ZNF385D: variants seen among roughly 807,000 people sequenced by gnomAD.
ZNF385D encodes the protein zinc finger protein 385D.
ZNF385D carries 15 observed loss-of-function variants against 35.8 expected under a neutral mutation model. The observed-to-expected ratio is 0.42, with a 90% confidence interval of 0.28 to 0.64. The LOEUF (loss-of-function observed/expected upper bound fraction) is 0.64, where lower values mean the gene tolerates loss of function less well. Ranked by LOEUF, ZNF385D falls within the 30% of genes least tolerant of loss-of-function variation. ZNF385D has a pLI of 0.23. For missense variants in ZNF385D, 474 were observed against 494.6 expected (o/e 0.96, Z 0.39); for synonymous variants, 212 against 186.8 (o/e 1.13, Z -1.10).
At chr3:21,901,303 C>T (rs259485) in intron 3 of ZNF385D, among the ~76,000 whole-genome samples, 46,172 of 152,042 alleles carry the variant, frequency 0.3, 7,573 homozygotes, top group South Asian at 0.43. Flanking sequence ...CCTCCCAAGC[C>T]TAAACTTTGG....
At chr3:22,271,731 G>T (rs11926939) in intron 2 of ZNF385D, among the ~76,000 whole-genome samples, 243 of 151,780 alleles carry the variant, frequency 1.6e-3, no homozygotes, top group African/African-American at 5.6e-3. Flanking sequence ...TTTTTCAGAT[G>T]TCCGATCCTC....
chr3:21,821,993 A>T (rs1162362685), intron 3 of ZNF385D, among the ~76,000 whole-genome samples: 1 of 150,506 alleles, frequency 6.6e-6, no homozygotes, highest in African/African-American at 2.4e-5. Flanking sequence ...AAATTTAAAA[A>T]GCTGGTTTAG....
chr3:22,368,705 A>G (rs1415530504), intron 2 of ZNF385D, among the ~76,000 whole-genome samples: 1 of 152,124 alleles, frequency 6.6e-6, no homozygotes, highest in Non-Finnish European at 1.5e-5. Flanking sequence ...CACTAATCCC[A>G]TTACAGGGGC....
At chr3:21,770,062 C>T (rs959793774) in intron 3 of ZNF385D, among the ~76,000 whole-genome samples, 3 of 152,148 alleles carry the variant, frequency 2.0e-5, no homozygotes, top group East Asian at 1.9e-4. Flanking sequence ...GGATCCCTTC[C>T]TTATACCTTA....
intron 3 of ZNF385D, among the ~76,000 whole-genome samples, chr3:22,112,599 A>G (rs1702592167): frequency 6.6e-6 from 1 of 152,120 alleles, no homozygotes; most frequent in African/African-American, 2.4e-5. Context: ...CTTAGTATAA[A>G]TATTTTGATA....
rs535657237 is a variant in ZNF385D, at chr3:21,682,772, A to C, written c.23-17744T>G. On this transcript the variant is annotated intron_variant, in intron 1 of 7. Transcript: ENST00000281523. ...GGAAAGGGCCAGATAATTAATATTT[A>C]AGCTTTGTGAGCTATCAGTTCTATA... Among the ~76,000 whole-genome samples, 3 of 149,746 alleles carry C rather than the reference A, an allele frequency of 2.0e-5. No homozygotes were observed. The South Asian group carries it at 6.4e-4, about 32-fold the overall frequency.
At chr3:22,286,397 A>G (rs1294784970) in intron 2 of ZNF385D, among the ~76,000 whole-genome samples, 1 of 151,790 alleles carries the variant, frequency 6.6e-6, no homozygotes, top group Non-Finnish European at 1.5e-5. Flanking sequence ...TCTCTATTTC[A>G]TTTATTTCTG....
intron 1 of ZNF385D, among the ~76,000 whole-genome samples, chr3:21,678,477 G>T (rs1025540463): frequency 6.6e-6 from 1 of 152,032 alleles, no homozygotes; most frequent in Admixed American, 6.6e-5. Context: ...TTCGTGAAGT[G>T]ACCTAATCAC....
At chr3:21,891,715 T>C (rs558480584) in intron 3 of ZNF385D, among the ~76,000 whole-genome samples, 42 of 152,328 alleles carry the variant, frequency 2.8e-4, no homozygotes, top group Middle Eastern at 3.4e-3. Context: ...CTGAGAGGCC[T>C]TGACGTTTTC....
intron 3 of ZNF385D, among the ~76,000 whole-genome samples, chr3:21,562,648 G>A (rs1368990105): frequency 1.3e-5 from 2 of 152,084 alleles, no homozygotes; most frequent in African/African-American, 4.8e-5. Context: ...CATGGCTCCT[G>A]GGAGACTTTT....
At chr3:22,056,365 G>A (rs1396996088) in intron 3 of ZNF385D, among the ~76,000 whole-genome samples, 1 of 150,202 alleles carries the variant, frequency 6.7e-6, no homozygotes, top group African/African-American at 2.5e-5. Flanking sequence ...AATATAAACC[G>A]TGTGTTAGTT....
In ZNF385D at chr3:21,779,510, A is replaced by G. The variant is rs535344538; in HGVS notation, c.326-114482T>C. Among the ~76,000 whole-genome samples, 8 of 152,158 alleles carry G rather than the reference A, an allele frequency of 5.3e-5. No individual in the cohort carries two copies. In the East Asian group the frequency reaches 1.2e-3, roughly 22 times the overall value. ...ATATTTTGGATGTAATAAAAAGGCA[A>G]TTCAAATATCTATCATAATTAGTGA... On this transcript the variant is annotated intron_variant, in intron 3 of 5. Coordinates refer to the ZNF385D transcript ENST00000494108.
intron 2 of ZNF385D, among the ~76,000 whole-genome samples, chr3:22,179,425 C>G (rs1429883233): frequency 6.6e-6 from 1 of 152,218 alleles, no homozygotes; most frequent in Non-Finnish European, 1.5e-5. Context: ...ATGATTTTTG[C>G]ACACTGATTT....
At position 22,222,516 on chromosome 3, in the gene ZNF385D, G is replaced by C. The variant is rs79556342; in HGVS notation, c.107-53481C>G. Among the ~76,000 whole-genome samples the C allele has an allele frequency of 6.9e-3, 1,046 of 152,218 alleles. 8 individuals carry two copies. The highest frequency in any genetic ancestry group is 0.024 in the African/African-American group (977 of 41,526). On this transcript the variant is annotated intron_variant, in intron 2 of 5. Transcript: ENST00000494108. ...CAAAAGGATGATGACAATAAGAAAT[G>C]CAGCAATCAACTTCATTTTGAACTT...
rs188967591 is a variant in ZNF385D, at chr3:22,212,721, C to T, written c.107-43686G>A. On this transcript the variant is annotated intron_variant, in intron 2 of 5. Coordinates refer to the ZNF385D transcript ENST00000494108. The stretch of plus-strand genomic sequence containing the variant: ...TCTTAGGGTTAGGTAAAGCATAAAG[C>T]CTGTTTTTAAAAAATAATTATAAAA... Among the ~76,000 whole-genome samples, 432 of 151,942 alleles carry T rather than the reference C, an allele frequency of 2.8e-3. 1 individual carries two copies. Among genetic ancestry groups the T allele is most frequent in the Non-Finnish European group, 4.9e-3 (332 of 67,912 alleles).
chr3:21,937,290 C>A (rs1701309475), intron 3 of ZNF385D, among the ~76,000 whole-genome samples: 2 of 152,110 alleles, frequency 1.3e-5, no homozygotes, highest in African/African-American at 4.8e-5. Context: ...ATCACAGCCT[C>A]TTATTCTGCT....
At chr3:22,176,311 TTGTCACA>T (rs1423990906) in intron 2 of ZNF385D, among the ~76,000 whole-genome samples, 1 of 152,164 alleles carries the variant, frequency 6.6e-6, no homozygotes, top group African/African-American at 2.4e-5. Context: ...TCTAAACTGT[TTGTCACA>T]TGTTATCATA....
In ZNF385D at chr3:21,977,766, T is replaced by C. The variant is rs139945699; in HGVS notation, c.325+191051A>G. Among the ~76,000 whole-genome samples, 963 of 152,038 alleles carry C rather than the reference T, an allele frequency of 6.3e-3. 12 individuals are homozygous for C. The highest frequency in any genetic ancestry group is 0.022 in the African/African-American group (909 of 41,490). ...CAAGAGGATCGCTTGAGCCCAGCAA[T>C]TGGAGGTTACGGTGGGCCATGATCA... On this transcript the variant is annotated intron_variant, in intron 3 of 5. Coordinates refer to the ZNF385D transcript ENST00000494108.
Position 22,128,302 on chromosome 3 carries a change from A to G in ZNF385D, c.325+40515T>C, listed in dbSNP as rs1042685403. ...ATTTATTTATTTCTTTTCTCTTGCT[A>G]TTCTTAGAATCTTTCCCTTATTCTT... On this transcript the variant is annotated intron_variant, in intron 3 of 5. Coordinates refer to the ZNF385D transcript ENST00000494108. 3.9e-5 allele frequency among the ~76,000 whole-genome samples: 6 copies of G among 152,192 alleles called. No individual in the cohort carries two copies. The East Asian group carries it at 9.6e-4, about 24-fold the overall frequency.
Sources: gnomAD v4.1 joint callset for allele counts (sites outside exome capture counted in the v4.1 genomes callset) on GRCh38, gnomAD v4.1.1 for gene constraint, MANE v1.5 for transcripts, NCBI Gene and HGNC (gene_info 2026-07-23, HGNC 2026-07-21) for gene names.